The following RIC3 variants were observed in gnomAD, a reference collection of about 807,000 sequenced individuals.
The protein encoded by RIC3 is protein RIC-3.
Under a neutral mutation model 27.3 loss-of-function variants are expected in RIC3, and 28 were observed. That is an observed-to-expected ratio of 1.02 (90% CI 0.76 to 1.41). The LOEUF is 1.41. RIC3 is among the 40% of genes most tolerant of loss of function. RIC3 has a pLI of 0.00. For synonymous variants in RIC3, 184 were observed against 160.4 expected (o/e 1.15, Z -1.11); for missense variants, 501 against 444.7 (o/e 1.13, Z -1.14).
At chr11:8,099,760 G>A in the RIC3 span, among the ~76,000 whole-genome samples, 1 of 152,210 alleles carries the variant, frequency 6.6e-6, no homozygotes, top group South Asian at 2.1e-4. Context: ...GAATGGCAGG[G>A]AGGGCGTCAC....
intron 5 of RIC3, among the ~76,000 whole-genome samples, chr11:8,125,223 C>T (rs1206918942): frequency 6.2e-5 from 9 of 145,456 alleles, no homozygotes; most frequent in East Asian, 2.0e-4. Flanking sequence ...CACTGCACTC[C>T]GGCCTGGGTG....
intron 1 of RIC3, among the ~76,000 whole-genome samples, chr11:8,154,158 A>C (rs1950474082): frequency 6.6e-6 from 1 of 152,240 alleles, no homozygotes; most frequent in Admixed American, 6.5e-5. Flanking sequence ...AAAAGTATAC[A>C]TACTTTATGA....
At position 8,109,808 on chromosome 11, in the gene RIC3, G is replaced by GAGCCC. The variant is rs1160457126; in HGVS notation, c.*885_*889dup. On this transcript the variant is annotated 3_prime_UTR_variant, in exon 6 of 6. Coordinates refer to ENST00000309737, the MANE Select transcript of RIC3 (RefSeq NM_001206671.4). The stretch of plus-strand genomic sequence containing the variant: ...TGGCAGGAGCAGAATTCACAATCTT[G>GAGCCC]AGCCCTCTTATAGGGTTGCAGCCTC... 4 of 152,080 alleles carry GAGCCC rather than the reference G, an allele frequency of 2.6e-5. No individual in the cohort carries two copies. Among genetic ancestry groups the GAGCCC allele is most frequent in the Non-Finnish European group, 4.4e-5 (3 of 68,056 alleles). 9.4% of individuals were successfully genotyped at this position (152,080 alleles called of 1,614,324 possible).
intron 4 of RIC3, among the ~76,000 whole-genome samples, chr11:8,132,915 G>T (rs538159666): frequency 6.6e-6 from 1 of 152,284 alleles, no homozygotes; most frequent in Non-Finnish European, 1.5e-5. Context: ...TGAGGTTAAA[G>T]GACACAAACT....
At chr11:8,113,906 G>T (rs1945543502) in intron 5 of RIC3, among the ~76,000 whole-genome samples, 1 of 152,140 alleles carries the variant, frequency 6.6e-6, no homozygotes, top group South Asian at 2.1e-4. Flanking sequence ...TCAAGGCCCA[G>T]TCCAGCCCCA....
the RIC3 span, chr11:8,096,826 T>A: frequency 3.1e-6 from 5 of 1,613,950 alleles, no homozygotes; most frequent in Non-Finnish European, 3.4e-6. Context: ...TGAGTCTGCA[T>A]CCACAGCAGT....
intron 1 of RIC3, among the ~76,000 whole-genome samples, chr11:8,141,019 C>T (rs953384668): frequency 1.3e-5 from 2 of 149,396 alleles, no homozygotes; most frequent in African/African-American, 2.5e-5. Flanking sequence ...CCTAAAAGAG[C>T]TCCTGAAGGA....
Position 8,109,097 on chromosome 11 carries a change from G to A in RIC3, c.*1601C>T, listed in dbSNP as rs918509136. Reference sequence around the variant, plus strand: ...ATATGCTTTCTATAAACTCAGTCTTGAATGACTTTCTGTAACTCAATTAAC... The same window carrying A: ...ATATGCTTTCTATAAACTCAGTCTTAAATGACTTTCTGTAACTCAATTAAC... On this transcript the variant is annotated 3_prime_UTR_variant, in exon 6 of 6. Coordinates refer to ENST00000309737, the MANE Select transcript of RIC3 (RefSeq NM_001206671.4). 6 of 152,126 alleles carry A rather than the reference G, an allele frequency of 3.9e-5. No individual in the cohort carries two copies. Among genetic ancestry groups the A allele is most frequent in the African/African-American group, 7.2e-5 (3 of 41,428 alleles). 9.4% of individuals were successfully genotyped at this position (152,126 alleles called of 1,614,324 possible).
At chr11:8,101,013 CCTACTCAT>C in the RIC3 span, 1 of 1,613,796 alleles carries the variant, frequency 6.2e-7, no homozygotes, top group Non-Finnish European at 8.5e-7. Context: ...TGTTTCTGTC[CCTACTCAT>C]TATGGTCCGT....
intron 1 of RIC3, among the ~76,000 whole-genome samples, chr11:8,165,772 T>TTTTTG (rs1554981203): frequency 8.6e-6 from 1 of 115,842 alleles, no homozygotes; most frequent in Admixed American, 9.1e-5. Context: ...TGGGGTTTTT[T>TTTTTG]TTTTGTTTTG....
At chr11:8,135,089 T>A (rs929151382) in intron 4 of RIC3, among the ~76,000 whole-genome samples, 2 of 152,218 alleles carry the variant, frequency 1.3e-5, no homozygotes, top group African/African-American at 2.4e-5. Context: ...TTGCCTAGGT[T>A]TTCTTCTAGG....
intron 1 of RIC3, among the ~76,000 whole-genome samples, chr11:8,140,905 C>A (rs1431315704): frequency 2.7e-5 from 4 of 150,848 alleles, no homozygotes; most frequent in African/African-American, 4.9e-5. Flanking sequence ...GAATTTTCAA[C>A]CCAGAATTTC....
intron 4 of RIC3, among the ~76,000 whole-genome samples, chr11:8,133,405 C>G (rs749374744): frequency 1.3e-5 from 2 of 152,158 alleles, no homozygotes; most frequent in African/African-American, 2.4e-5. Flanking sequence ...TAGGGCCTAC[C>G]TGTAAGGATA....
rs1212536434 is a variant in RIC3 at position 8,140,086 on chromosome 11, T to G, written c.232A>C (p.Lys78Gln). The part of the protein sequence containing the change: ...QRSHLAEAFA[K>Q]AKGSGGGAGG... ...GCACCTCCACCTGATCCTTTGGCCT[T>G]TGCAAATGCCTCGGCAAGGTGAGAC... The change falls in exon 2 of 6, where the codon AAG becomes CAG. Residue 78 changes from lysine (K) to glutamine (Q), a missense_variant. Lys to Gln is a moderately conservative substitution (Grantham distance 53). Transcript: ENST00000309737. The G allele has an allele frequency of 1.9e-6, 3 of 1,613,988 alleles. No individual in the cohort carries two copies. Among genetic ancestry groups the G allele is most frequent in the Non-Finnish European group, 2.5e-6 (3 of 1,180,034 alleles).
chr11:8,110,740 T>C lies in RIC3; in HGVS notation c.1068A>G (p.Thr356=), dbSNP rs201262214. 2.5e-6 allele frequency: 4 copies of C among 1,614,118 alleles called. No individual in the cohort carries two copies. The highest frequency in any genetic ancestry group is 2.2e-5 in the East Asian group (1 of 44,902). The change falls in exon 6 of 6, where the codon ACA becomes ACG. Residue 356 remains threonine, a synonymous_variant. Transcript: ENST00000309737. ...GGTTACGCTTCCTCAGCATGCTGCC[T>C]GTATATGCTTTATCGGTGCTGATGC... The part of the protein sequence containing the change: ...GLGISTDKAY[T]GSMLRKRNPQ...
At chr11:8,123,871 G>C (rs772325186) in intron 5 of RIC3, among the ~76,000 whole-genome samples, 4 of 150,918 alleles carry the variant, frequency 2.7e-5, no homozygotes, top group Non-Finnish European at 3.0e-5. Flanking sequence ...CTACAGGCAT[G>C]CACCACCACG....
At chr11:8,166,602 G>A (rs1229746203) in intron 1 of RIC3, among the ~76,000 whole-genome samples, 1 of 152,154 alleles carries the variant, frequency 6.6e-6, no homozygotes, top group Non-Finnish European at 1.5e-5. Flanking sequence ...GAGTGCAGTT[G>A]CTCAAGCCTG....
rs1944763285 is a variant in RIC3, at chr11:8,107,216, A to C, written c.*3482T>G. 6.6e-6 allele frequency: 1 copy of C among 152,200 alleles called. No individual in the cohort carries two copies. The highest frequency in any genetic ancestry group is 1.5e-5 in the Non-Finnish European group (1 of 68,034). 9.4% of individuals were successfully genotyped at this position (152,200 alleles called of 1,614,324 possible). On this transcript the variant is annotated 3_prime_UTR_variant, in exon 6 of 6. Transcript: ENST00000309737. ...ATATTGCTGAATAGCTAAAGCACTA[A>C]ATTTTTCTTTGGAATACAAATAGTC... is the stretch of plus-strand genomic sequence containing the variant.
intron 1 of RIC3, among the ~76,000 whole-genome samples, chr11:8,150,614 G>A (rs1373286107): frequency 6.6e-6 from 1 of 152,078 alleles, no homozygotes; most frequent in Non-Finnish European, 1.5e-5. Context: ...CAAAAGGCTG[G>A]AAGAATATTG....
Sources: gnomAD v4.1 joint callset for allele counts (sites outside exome capture counted in the v4.1 genomes callset) on GRCh38, gnomAD v4.1.1 for gene constraint, MANE v1.5 for transcripts, NCBI Gene and HGNC (gene_info 2026-07-23, HGNC 2026-07-21) for gene names.